The following DCC variants were observed in gnomAD, a reference collection of about 807,000 sequenced individuals.
DCC encodes the protein netrin receptor DCC.
A neutral mutation model predicts 172.5 loss-of-function variants in DCC; 58 were observed. The observed-to-expected ratio is 0.34, with a 90% CI of 0.27 to 0.42. The LOEUF is 0.42. DCC is among the 10% of genes least tolerant of loss of function. The pLI is 1.00. For synonymous variants in DCC, 709 were observed against 644.5 expected (o/e 1.10, Z -1.52); for missense variants, 1,740 against 1,791.0 (o/e 0.97, Z 0.51).
intron 1 of DCC, among the ~76,000 whole-genome samples, chr18:52,397,133 T>C (rs34979617): frequency 6.6e-6 from 1 of 152,010 alleles, no homozygotes; most frequent in African/African-American, 2.4e-5. Flanking sequence ...TAAATGTTTA[T>C]AGTAGTGATT....
chr18:52,789,135 G>A (rs567810961), intron 2 of DCC, among the ~76,000 whole-genome samples: 11 of 152,250 alleles, frequency 7.2e-5, no homozygotes, highest in African/African-American at 2.6e-4. Flanking sequence ...ATCATGATGC[G>A]AGGTAATTTG....
At chr18:52,699,844 A>C (rs1485949115) in intron 1 of DCC, among the ~76,000 whole-genome samples, 1 of 152,132 alleles carries the variant, frequency 6.6e-6, no homozygotes, top group Non-Finnish European at 1.5e-5. Context: ...CTTGGCAACA[A>C]TTTTATTAAA....
chr18:53,400,721 C>T (rs988694220), intron 18 of DCC, among the ~76,000 whole-genome samples: 3 of 152,098 alleles, frequency 2.0e-5, no homozygotes, highest in South Asian at 2.1e-4. Context: ...TAAGAGCTTG[C>T]ACAGCACCTG....
chr18:53,190,212 C>A (rs540201349), intron 9 of DCC, among the ~76,000 whole-genome samples: 1 of 152,114 alleles, frequency 6.6e-6, no homozygotes, highest in Admixed American at 6.5e-5. Context: ...AGGCATGAGC[C>A]GACATGTCTG....
At chr18:53,069,301 G>A (rs1367309558) in intron 7 of DCC, among the ~76,000 whole-genome samples, 1 of 152,210 alleles carries the variant, frequency 6.6e-6, no homozygotes, top group Non-Finnish European at 1.5e-5. Flanking sequence ...ACCACCTGGA[G>A]CTGTCCACAA....
At chr18:52,953,388 G>A (rs957981883) in intron 5 of DCC, among the ~76,000 whole-genome samples, 1 of 152,120 alleles carries the variant, frequency 6.6e-6, no homozygotes, top group Non-Finnish European at 1.5e-5. Context: ...CTTCTCCAGG[G>A]CTTTCCGCCT....
chr18:52,576,548 C>T (rs968209728), intron 1 of DCC, among the ~76,000 whole-genome samples: 1 of 151,942 alleles, frequency 6.6e-6, no homozygotes, highest in African/African-American at 2.4e-5. Context: ...ATGTAGTTTC[C>T]GCCGGGCACA....
intron 1 of DCC, among the ~76,000 whole-genome samples, chr18:52,732,946 T>A (rs1159069961): frequency 6.6e-6 from 1 of 152,128 alleles, no homozygotes; most frequent in Non-Finnish European, 1.5e-5. Flanking sequence ...TAGATGTAAA[T>A]TTTTGAGAGT....
intron 5 of DCC, among the ~76,000 whole-genome samples, chr18:53,007,742 C>T (rs1447251251): frequency 1.3e-5 from 2 of 152,054 alleles, no homozygotes; most frequent in East Asian, 1.9e-4. Flanking sequence ...TAGCTACAAG[C>T]TCAGAGGCTT....
At chr18:52,825,795 A>G (rs1282751726) in intron 2 of DCC, among the ~76,000 whole-genome samples, 1 of 152,224 alleles carries the variant, frequency 6.6e-6, no homozygotes, top group Non-Finnish European at 1.5e-5. Context: ...AAAAATTTCC[A>G]TATATGTCTC....
In DCC at chr18:52,653,492, A is replaced by G. The variant is rs2035183706; in HGVS notation, c.92-98562A>G. On this transcript the variant is annotated intron_variant, in intron 1 of 28. Coordinates refer to ENST00000442544, the MANE Select transcript of DCC (RefSeq NM_005215.4). Reference sequence around the variant, plus strand: ...GTAATCCATCTTAAATCAATGCTTTAAATATAATTACATCGATGAATAATT... The same window carrying G: ...GTAATCCATCTTAAATCAATGCTTTGAATATAATTACATCGATGAATAATT... 2.0e-5 allele frequency among the ~76,000 whole-genome samples: 3 copies of G among 152,188 alleles called. No individual in the cohort carries two copies. The South Asian group carries it at 6.2e-4, about 32-fold the overall frequency.
chr18:53,453,277 T>C (rs1417029795), intron 23 of DCC, among the ~76,000 whole-genome samples: 8 of 152,158 alleles, frequency 5.3e-5, no homozygotes, highest in African/African-American at 1.9e-4. Flanking sequence ...GCATCACAAT[T>C]GAGCCCTTCA....
At chr18:53,412,551 C>T (rs983720696) in intron 20 of DCC, among the ~76,000 whole-genome samples, 3 of 152,068 alleles carry the variant, frequency 2.0e-5, no homozygotes, top group Non-Finnish European at 4.4e-5. Context: ...ATTTTCACTT[C>T]CCAAAGCTGC....
intron 7 of DCC, among the ~76,000 whole-genome samples, chr18:53,156,333 A>G (rs567809297): frequency 3.7e-4 from 56 of 152,132 alleles, no homozygotes; most frequent in Non-Finnish European, 6.3e-4. Context: ...AATATACAAA[A>G]ATTAGCCAGG....
chr18:52,557,667 G>A (rs2032945785), intron 1 of DCC, among the ~76,000 whole-genome samples: 1 of 152,260 alleles, frequency 6.6e-6, no homozygotes, highest in Non-Finnish European at 1.5e-5. Flanking sequence ...AAAACTAAAT[G>A]TCTCTAATTC....
chr18:52,869,330 C>T (rs1332553118), intron 2 of DCC, among the ~76,000 whole-genome samples: 1 of 152,202 alleles, frequency 6.6e-6, no homozygotes, highest in Non-Finnish European at 1.5e-5. Context: ...TAACTCTCAG[C>T]AGAGAGGGTA....
intron 7 of DCC, among the ~76,000 whole-genome samples, chr18:53,151,684 C>T (rs2054643947): frequency 1.3e-5 from 2 of 151,914 alleles, no homozygotes; most frequent in Admixed American, 6.6e-5. Context: ...TTATGGAGTA[C>T]ATTAAGTTTC....
At chr18:52,659,652 T>C (rs527599038) in intron 1 of DCC, among the ~76,000 whole-genome samples, 66 of 152,330 alleles carry the variant, frequency 4.3e-4, no homozygotes, top group South Asian at 4.1e-3. Context: ...TAATTTAGCT[T>C]CCCAATTATG....
At chr18:52,913,231 T>A (rs2039996043) in intron 3 of DCC, among the ~76,000 whole-genome samples, 1 of 152,084 alleles carries the variant, frequency 6.6e-6, no homozygotes, top group Non-Finnish European at 1.5e-5. Context: ...GTAACCAGTC[T>A]TTCACATGGA....
Sources: gnomAD v4.1 joint callset for allele counts (sites outside exome capture counted in the v4.1 genomes callset) on GRCh38, gnomAD v4.1.1 for gene constraint, MANE v1.5 for transcripts, NCBI Gene and HGNC (gene_info 2026-07-23, HGNC 2026-07-21) for gene names.